Variants in MRE11 observed in about 807,000 individuals in gnomAD.
The protein encoded by MRE11 is MRE11 double strand break repair nuclease, also known as double-strand break repair protein MRE11.
Under a neutral mutation model 91.7 loss-of-function variants are expected in MRE11, and 62 were observed. That is an observed-to-expected ratio of 0.68 (90% confidence interval 0.55 to 0.84). The LOEUF (loss-of-function observed/expected upper bound fraction) is 0.84. Ranked by LOEUF, MRE11 falls within the 40% of genes least tolerant of loss-of-function variation. The pLI, the probability that MRE11 is intolerant of heterozygous loss-of-function variation, is 0.00. For synonymous variants in MRE11, 273 were observed against 271.4 expected (o/e 1.01, Z -0.06); for missense variants, 796 against 852.9 (o/e 0.93, Z 0.83).
At chr11:94,457,330 A>G (rs1946279323) in intron 13 of MRE11, among the ~76,000 whole-genome samples, 1 of 152,208 alleles carries the variant, frequency 6.6e-6, no homozygotes, top group South Asian at 2.1e-4. Context: ...GATAGATTTA[A>G]TAGAAAATGG....
Position 94,417,750 on chromosome 11 carries a change from T to C in MRE11, c.*2375A>G. ...TATTCAACCATATGACTTTTCTGTA[T>C]TTATTGTATTTCCTACTTTTAAAAG... On this transcript the variant is annotated 3_prime_UTR_variant, in exon 20 of 20. Coordinates refer to ENST00000323929, the MANE Select transcript of MRE11 (RefSeq NM_005591.4). The C allele has an allele frequency of 4.3e-6, 1 of 233,074 alleles. No individual in the cohort carries two copies. Among genetic ancestry groups the C allele is most frequent in the Non-Finnish European group, 8.5e-6 (1 of 117,940 alleles). 14.4% of individuals were successfully genotyped at this position (233,074 alleles called of 1,614,324 possible). A position where few individuals can be genotyped will look rare whatever the true frequency, so the allele number is the denominator to read the frequency against.
In MRE11 at chr11:94,452,373, T is replaced by C. The variant is rs1946133223; in HGVS notation, c.1563+3903A>G. On this transcript the variant is annotated intron_variant, in intron 14 of 19. Coordinates refer to ENST00000323929, the MANE Select transcript of MRE11 (RefSeq NM_005591.4). ...AAAACAACAGTAGGAAATAATTTCT[T>C]ACCCCTTAGACTTGTAAAGATCAAA... 2.0e-5 allele frequency among the ~76,000 whole-genome samples: 3 copies of C among 152,252 alleles called. No individual in the cohort carries two copies. The South Asian group carries it at 6.2e-4, about 32-fold the overall frequency.
intron 16 of MRE11, among the ~76,000 whole-genome samples, chr11:94,439,702 T>A (rs74954508): frequency 0.014 from 2,104 of 152,304 alleles, 58 homozygotes; most frequent in African/African-American, 0.048. Context: ...TTCACATGCA[T>A]TTTCTCATTA....
At chr11:94,437,845 C>T (rs377593384) in intron 16 of MRE11, among the ~76,000 whole-genome samples, 12 of 152,134 alleles carry the variant, frequency 7.9e-5, no homozygotes, top group African/African-American at 2.9e-4. Context: ...TACAATAAGG[C>T]CAGGCGCAGT....
chr11:94,509,354 A>G, the MRE11 span, among the ~76,000 whole-genome samples: 1 of 152,166 alleles, frequency 6.6e-6, no homozygotes, highest in African/African-American at 2.4e-5. Context: ...ACTATATAAA[A>G]GTAACATTTA....
At position 94,486,104 on chromosome 11, in the gene MRE11, G is replaced by A. The variant is rs761591437; in HGVS notation, c.154-20C>T. ...ATCCACCTGATCAACAGAAAAAGGT[G>A]TTAAAATTAGTATGTTTTACAGGTA... On this transcript the variant is annotated intron_variant, in intron 3 of 19. Transcript: ENST00000323929. 84 of 1,612,508 alleles carry A rather than the reference G, an allele frequency of 5.2e-5. No individual in the cohort carries two copies. The highest frequency in any genetic ancestry group is 7.0e-5 in the Non-Finnish European group (83 of 1,179,258).
At position 94,456,386 on chromosome 11, in the gene MRE11, T is replaced by C. The variant is rs780094060; in HGVS notation, c.1501-48A>G. 13 of 1,454,092 alleles carry C rather than the reference T, an allele frequency of 8.9e-6. No individual in the cohort carries two copies. In the East Asian group the frequency reaches 2.3e-4, roughly 25 times the overall value. 90.1% of individuals were successfully genotyped at this position (1,454,092 alleles called of 1,614,324 possible). A position where few individuals can be genotyped will look rare whatever the true frequency, so the allele number is the denominator to read the frequency against. On this transcript the variant is annotated intron_variant, in intron 13 of 19. Coordinates refer to ENST00000323929, the MANE Select transcript of MRE11 (RefSeq NM_005591.4). The stretch of plus-strand genomic sequence containing the variant: ...ACAAACATGTTGCCTATTCCAGTTA[T>C]GTAAATATAAAACAAGGGGCTACAA...
Position 94,417,559 on chromosome 11 carries a change from C to A in MRE11, c.*2566G>T. 1 of 232,876 alleles carries A rather than the reference C, an allele frequency of 4.3e-6. No homozygotes were observed. The highest frequency in any genetic ancestry group is 6.1e-5 in the East Asian group (1 of 16,478). 14.4% of individuals were successfully genotyped at this position (232,876 alleles called of 1,614,324 possible). A position where few individuals can be genotyped will look rare whatever the true frequency, so the allele number is the denominator to read the frequency against. On this transcript the variant is annotated 3_prime_UTR_variant, in exon 20 of 20. Coordinates refer to ENST00000323929, the MANE Select transcript of MRE11 (RefSeq NM_005591.4). The stretch of plus-strand genomic sequence containing the variant: ...ATTTGCAGTTGCATCCTCCTAACTG[C>A]GTCTAATGGCAGAAGCACCACCTTG...
intron 18 of MRE11, among the ~76,000 whole-genome samples, chr11:94,431,273 A>G (rs1420627905): frequency 6.6e-6 from 1 of 151,890 alleles, no homozygotes; most frequent in South Asian, 2.1e-4. Context: ...AGAGCAACTA[A>G]GGTTCAGAGG....
intron 2 of MRE11, 101 bp downstream of exon 2, chr11:94,492,677 GTTCC>G: frequency 1.3e-6 from 2 of 1,485,942 alleles, no homozygotes; most frequent in Non-Finnish European, 1.9e-6. Flanking sequence ...TCATAAACAG[GTTCC>G]TTATTTACTG....
chr11:94,424,350 G>C (rs753046916), intron 19 of MRE11, among the ~76,000 whole-genome samples: 2 of 152,222 alleles, frequency 1.3e-5, no homozygotes, highest in African/African-American at 4.8e-5. Context: ...CAGAAACAAG[G>C]CCAGTTGACT....
chr11:94,460,911 C>T (rs1416896305), intron 12 of MRE11, 25 bp downstream of exon 12: 1 of 1,575,312 alleles, frequency 6.3e-7, no homozygotes, highest in Non-Finnish European at 8.7e-7. Context: ...AGCCATTATT[C>T]AAAATGTGAA....
At chr11:94,420,241 G>T (rs1214671717) in intron 19 of MRE11, 60 bp from the exon 20 acceptor site, 31 of 1,392,906 alleles carry the variant, frequency 2.2e-5, no homozygotes, top group Non-Finnish European at 2.8e-5. Flanking sequence ...AAACAAGACA[G>T]AAGTTCTTAT....
intron 8 of MRE11, 26 bp downstream of exon 8, chr11:94,471,548 A>G: frequency 6.2e-7 from 1 of 1,608,712 alleles, no homozygotes; most frequent in Non-Finnish European, 8.5e-7. Context: ...TTTCTTAAAA[A>G]TTGGCTCAAA....
At chr11:94,506,408 A>G in the MRE11 span, among the ~76,000 whole-genome samples, 6 of 152,086 alleles carry the variant, frequency 3.9e-5, no homozygotes, top group African/African-American at 1.4e-4. Context: ...TTTCAAGAGA[A>G]TATGCATTGG....
intron 16 of MRE11, among the ~76,000 whole-genome samples, chr11:94,443,003 G>C (rs1945827062): frequency 6.6e-6 from 1 of 152,200 alleles, no homozygotes; most frequent in Non-Finnish European, 1.5e-5. Flanking sequence ...CTCTTCTGAA[G>C]TACTAAATAA....
At chr11:94,424,072 C>A (rs554563414) in intron 19 of MRE11, among the ~76,000 whole-genome samples, 12 of 152,256 alleles carry the variant, frequency 7.9e-5, no homozygotes, top group African/African-American at 2.4e-4. Flanking sequence ...AGGGACCTCA[C>A]CCATGGTCCA....
chr11:94,458,776 AC>A (rs1946333002), intron 13 of MRE11, among the ~76,000 whole-genome samples: 1 of 152,148 alleles, frequency 6.6e-6, no homozygotes, highest in Non-Finnish European at 1.5e-5. Flanking sequence ...CCTAGGCTAA[AC>A]ACCATTTTCA....
intron 19 of MRE11, among the ~76,000 whole-genome samples, chr11:94,423,806 G>T (rs1254271688): frequency 3.3e-5 from 5 of 152,218 alleles, no homozygotes; most frequent in Non-Finnish European, 5.9e-5. Flanking sequence ...GTGCTACAGG[G>T]CTACAGCACA....
Sources: gnomAD v4.1 joint callset for allele counts (sites outside exome capture counted in the v4.1 genomes callset) on GRCh38, gnomAD v4.1.1 for gene constraint, MANE v1.5 for transcripts, NCBI Gene and HGNC (gene_info 2026-07-23, HGNC 2026-07-21) for gene names.